The following DTD1 variants were observed in gnomAD, a reference collection of about 807,000 sequenced individuals.
DTD1 encodes the protein D-aminoacyl-tRNA deacylase 1, also known as D-tyrosyl-tRNA deacylase 1 homolog.
Under a neutral mutation model 25.6 loss-of-function variants are expected in DTD1, and 13 were observed. The ratio of observed to expected loss-of-function variants is 0.51; its 90% CI spans 0.33 to 0.81. The LOEUF (loss-of-function observed/expected upper bound fraction) is 0.81, where lower values mean the gene tolerates loss of function less well. DTD1 is among the 30% of genes least tolerant of loss of function. The pLI is 0.02. For synonymous variants in DTD1, 110 were observed against 103.6 expected (o/e 1.06, Z -0.37); for missense variants, 193 against 266.4 (o/e 0.72, Z 1.92).
At chr20:18,743,549 C>T (rs927236337) in intron 4 of DTD1, among the ~76,000 whole-genome samples, 4 of 151,684 alleles carry the variant, frequency 2.6e-5, no homozygotes, top group African/African-American at 9.7e-5. Context: ...TGGCATGCAC[C>T]TGTAGTCACA....
intron 5 of DTD1, among the ~76,000 whole-genome samples, chr20:18,753,127 A>G (rs1907495124): frequency 6.6e-6 from 1 of 152,238 alleles, no homozygotes; most frequent in South Asian, 2.1e-4. Flanking sequence ...ATTGAGATGT[A>G]AATTAAAATT....
At chr20:18,657,775 G>A (rs2060896066) in intron 4 of DTD1, among the ~76,000 whole-genome samples, 1 of 152,190 alleles carries the variant, frequency 6.6e-6, no homozygotes, top group African/African-American at 2.4e-5. Context: ...AGGCTTTCTG[G>A]GCAGTTGGCA....
intron 1 of DTD1, among the ~76,000 whole-genome samples, chr20:18,589,981 A>G (rs1235941845): frequency 6.6e-6 from 1 of 152,214 alleles, no homozygotes; most frequent in East Asian, 1.9e-4. Flanking sequence ...TGTAATGGAA[A>G]GGGATTTTCT....
intron 3 of DTD1, among the ~76,000 whole-genome samples, chr20:18,601,937 G>A (rs1173319148): frequency 1.3e-4 from 20 of 148,532 alleles, no homozygotes; most frequent in Non-Finnish European, 1.8e-4. Context: ...TGACTTTGAC[G>A]AGCTGAGAGA....
Position 18,757,865 on chromosome 20 carries a change from C to A in DTD1, c.*20-5495C>A, listed in dbSNP as rs1020336669. Among the ~76,000 whole-genome samples, 3 of 152,090 alleles carry A rather than the reference C, an allele frequency of 2.0e-5. 1 individual carries two copies. Among genetic ancestry groups the A allele is most frequent in the South Asian group, 4.1e-4 (2 of 4,826 alleles). Reference sequence around the variant, plus strand: ...GGAATGGTACCAGCTCCTCCTTGTACCTCTGGTAGGATTCAGCTGTGAATC... The same window carrying A: ...GGAATGGTACCAGCTCCTCCTTGTAACTCTGGTAGGATTCAGCTGTGAATC... On this transcript the variant is annotated intron_variant, in intron 5 of 5. Transcript: ENST00000377452.
chr20:18,612,951 A>G (rs1234180238), intron 3 of DTD1, among the ~76,000 whole-genome samples: 30 of 152,192 alleles, frequency 2.0e-4, no homozygotes, highest in Non-Finnish European at 1.5e-5. Context: ...GAGCCACTGC[A>G]CCTGGCCCTT....
At chr20:18,735,130 T>C (rs2061250890) in intron 4 of DTD1, among the ~76,000 whole-genome samples, 1 of 152,244 alleles carries the variant, frequency 6.6e-6, no homozygotes. Context: ...AACAGAACTT[T>C]TCCGTCTACA....
intron 4 of DTD1, among the ~76,000 whole-genome samples, chr20:18,676,073 T>C (rs2060972771): frequency 6.6e-6 from 1 of 152,220 alleles, no homozygotes; most frequent in South Asian, 2.1e-4. Flanking sequence ...TTTGGAGTTA[T>C]GCTCTAGTTT....
chr20:18,699,530 C>T (rs561595423), intron 4 of DTD1, among the ~76,000 whole-genome samples: 1 of 152,104 alleles, frequency 6.6e-6, no homozygotes, highest in Admixed American at 6.5e-5. Flanking sequence ...AGATCTCCCG[C>T]GTTGAGGCAA....
chr20:18,673,719 G>T (rs1194482914), intron 4 of DTD1, among the ~76,000 whole-genome samples: 2 of 152,172 alleles, frequency 1.3e-5, no homozygotes, highest in Non-Finnish European at 2.9e-5. Flanking sequence ...CCAGTCCTCA[G>T]AGAGGTAGTT....
At chr20:18,751,007 C>T (rs1266023514) in intron 5 of DTD1, among the ~76,000 whole-genome samples, 1 of 152,066 alleles carries the variant, frequency 6.6e-6, no homozygotes, top group Non-Finnish European at 1.5e-5. Context: ...TGACCTTTGT[C>T]TGAATAGTAA....
At chr20:18,662,427 G>C (rs142538933) in intron 4 of DTD1, among the ~76,000 whole-genome samples, 22 of 152,026 alleles carry the variant, frequency 1.4e-4, no homozygotes, top group African/African-American at 3.9e-4. Context: ...AGCTGGGGGT[G>C]GGGGGGAGAG....
intron 4 of DTD1, among the ~76,000 whole-genome samples, chr20:18,635,057 T>G (rs1278642122): frequency 6.6e-6 from 1 of 152,222 alleles, no homozygotes; most frequent in Non-Finnish European, 1.5e-5. Flanking sequence ...AATTCTAGAT[T>G]CTAGCTCCCT....
At chr20:18,665,150 A>G (rs2060926898) in intron 4 of DTD1, among the ~76,000 whole-genome samples, 1 of 152,192 alleles carries the variant, frequency 6.6e-6, no homozygotes, top group Non-Finnish European at 1.5e-5. Flanking sequence ...CATGCTCCCA[A>G]TCTTTTTATC....
chr20:18,687,241 G>A (rs530975653), intron 4 of DTD1, among the ~76,000 whole-genome samples: 9 of 152,322 alleles, frequency 5.9e-5, no homozygotes, highest in Admixed American at 2.0e-4. Context: ...TTGGGTCCCA[G>A]AGAGGGCCAG....
intron 4 of DTD1, among the ~76,000 whole-genome samples, chr20:18,672,560 A>G (rs74541898): frequency 0.012 from 1,793 of 152,290 alleles, 31 homozygotes; most frequent in African/African-American, 0.04. Flanking sequence ...TTGGTATTTT[A>G]TAACAGTTTC....
At chr20:18,761,394 C>T (rs1391794302) in intron 5 of DTD1, among the ~76,000 whole-genome samples, 1 of 152,108 alleles carries the variant, frequency 6.6e-6, no homozygotes, top group African/African-American at 2.4e-5. Flanking sequence ...TAACATAATG[C>T]TTTGGAATAC....
chr20:18,717,021 T>C (rs7265126), intron 4 of DTD1, among the ~76,000 whole-genome samples: 52,854 of 152,098 alleles, frequency 0.35, 9,516 homozygotes, highest in Non-Finnish European at 0.4. Context: ...CTTGGAATGT[T>C]GTAACTTTAC....
chr20:18,620,161 T>C (rs2060727887), intron 3 of DTD1: 1 of 152,244 alleles, frequency 6.6e-6, no homozygotes, highest in African/African-American at 2.4e-5. Context: ...TTCCTAGCTC[T>C]TCTTAAATGT....
Sources: gnomAD v4.1 joint callset for allele counts (sites outside exome capture counted in the v4.1 genomes callset) on GRCh38, gnomAD v4.1.1 for gene constraint, MANE v1.5 for transcripts, NCBI Gene and HGNC (gene_info 2026-07-23, HGNC 2026-07-21) for gene names.